The following CNTNAP5 variants were observed in gnomAD, a reference collection of about 807,000 sequenced individuals.
The protein encoded by CNTNAP5 is contactin associated protein family member 5, also known as contactin-associated protein-like 5.
In CNTNAP5, 72 loss-of-function variants were observed where a neutral mutation model predicts 150.2. That is an observed-to-expected ratio of 0.48 (90% CI 0.40 to 0.58). CNTNAP5 has a LOEUF of 0.58. Ranked by LOEUF, CNTNAP5 falls within the 20% of genes least tolerant of loss-of-function variation. The pLI, the probability that CNTNAP5 is intolerant of heterozygous loss-of-function variation, is 0.00. For synonymous variants in CNTNAP5, 672 were observed against 619.8 expected, an observed-to-expected ratio of 1.08 and a Z score of -1.25; for missense variants, 1,636 against 1,626.2, an observed-to-expected ratio of 1.01 and a Z score of -0.10.
chr2:124,463,447 C>T (rs980731246), intron 6 of CNTNAP5, among the ~76,000 whole-genome samples: 11 of 152,100 alleles, frequency 7.2e-5, no homozygotes, highest in Non-Finnish European at 1.5e-5. Context: ...TGAATATACC[C>T]CGTTGCAAAA....
At chr2:124,169,427 G>A (rs1413106338) in intron 1 of CNTNAP5, among the ~76,000 whole-genome samples, 10 of 152,100 alleles carry the variant, frequency 6.6e-5, no homozygotes, top group Non-Finnish European at 5.9e-5. Flanking sequence ...AAGGAAAAAC[G>A]GTTCCTTCTG....
chr2:124,140,457 GCCT>G (rs1684092671), intron 1 of CNTNAP5, among the ~76,000 whole-genome samples: 1 of 105,518 alleles, frequency 9.5e-6, no homozygotes, highest in Admixed American at 1.1e-4. Context: ...CGGGCAGACT[GCCT>G]CCTCAAGTGG....
At chr2:124,465,268 A>G (rs1264144294) in intron 6 of CNTNAP5, among the ~76,000 whole-genome samples, 1 of 152,186 alleles carries the variant, frequency 6.6e-6, no homozygotes, top group Non-Finnish European at 1.5e-5. Context: ...ACCTGTGACA[A>G]CAGTAAATCC....
chr2:124,414,778 G>C (rs1691874797), intron 3 of CNTNAP5, among the ~76,000 whole-genome samples: 1 of 151,970 alleles, frequency 6.6e-6, no homozygotes. Flanking sequence ...CTCAGAAGGG[G>C]CAGCCAGTCA....
chr2:124,168,026 TA>T, intron 1 of CNTNAP5, among the ~76,000 whole-genome samples: 1 of 152,152 alleles, frequency 6.6e-6, no homozygotes, highest in Non-Finnish European at 1.5e-5. Context: ...GTCAGTTCCT[TA>T]CTATAAAAGA....
chr2:124,448,081 A>T (rs2104807615), intron 6 of CNTNAP5, among the ~76,000 whole-genome samples: 1 of 152,088 alleles, frequency 6.6e-6, no homozygotes. Flanking sequence ...ATCCTGGCTA[A>T]CATGGTGAAA....
chr2:124,830,396 G>A (rs1682688417), intron 19 of CNTNAP5, among the ~76,000 whole-genome samples: 1 of 151,986 alleles, frequency 6.6e-6, no homozygotes, highest in Admixed American at 6.6e-5. Context: ...AATCTTTATT[G>A]TGTAGGCCAG....
chr2:124,886,705 A>G (rs1489702020), intron 21 of CNTNAP5, among the ~76,000 whole-genome samples: 1 of 152,062 alleles, frequency 6.6e-6, no homozygotes, highest in Non-Finnish European at 1.5e-5. Flanking sequence ...ACATGCATTT[A>G]ATAATCACAT....
intron 1 of CNTNAP5, among the ~76,000 whole-genome samples, chr2:124,169,180 TG>T (rs1302663007): frequency 6.6e-6 from 1 of 152,078 alleles, no homozygotes; most frequent in Non-Finnish European, 1.5e-5. Context: ...GAGAATAGCA[TG>T]GGGCAAAACT....
intron 1 of CNTNAP5, among the ~76,000 whole-genome samples, chr2:124,085,080 C>A (rs1215151361): frequency 6.6e-6 from 1 of 151,854 alleles, no homozygotes; most frequent in Admixed American, 6.6e-5. Context: ...CACCACCACG[C>A]CCAGCTAATT....
At chr2:124,266,220 A>T (rs962268447) in intron 3 of CNTNAP5, among the ~76,000 whole-genome samples, 2 of 152,138 alleles carry the variant, frequency 1.3e-5, no homozygotes, top group Non-Finnish European at 2.9e-5. Context: ...ACTTGGATCT[A>T]AGTTTGAGGC....
At chr2:124,392,951 G>C (rs1405573157) in intron 3 of CNTNAP5, among the ~76,000 whole-genome samples, 1 of 152,068 alleles carries the variant, frequency 6.6e-6, no homozygotes, top group Non-Finnish European at 1.5e-5. Context: ...ACCAATCCCA[G>C]GACAATTCTC....
chr2:124,288,910 T>C (rs563145264), intron 3 of CNTNAP5, among the ~76,000 whole-genome samples: 1 of 152,200 alleles, frequency 6.6e-6, no homozygotes, highest in Non-Finnish European at 1.5e-5. Flanking sequence ...TAAATGAAAA[T>C]TGGCTATGAA....
intron 7 of CNTNAP5, among the ~76,000 whole-genome samples, chr2:124,488,701 A>T (rs1468561251): frequency 6.6e-6 from 1 of 152,236 alleles, no homozygotes; most frequent in Non-Finnish European, 1.5e-5. Flanking sequence ...GGAGGTGCAT[A>T]GTAAATATTC....
intron 20 of CNTNAP5, among the ~76,000 whole-genome samples, chr2:124,866,959 G>A (rs189968386): frequency 9.9e-5 from 15 of 152,118 alleles, no homozygotes; most frequent in African/African-American, 2.9e-4. Context: ...GAGAATATCC[G>A]CACATTCTCA....
intron 18 of CNTNAP5, among the ~76,000 whole-genome samples, chr2:124,793,075 G>A (rs568343420): frequency 2.0e-5 from 3 of 152,196 alleles, no homozygotes; most frequent in South Asian, 2.1e-4. Flanking sequence ...TGTGTCAAAC[G>A]GTAACTATAG....
At chr2:124,695,030 G>A (rs1179754073) in intron 13 of CNTNAP5, among the ~76,000 whole-genome samples, 4 of 151,276 alleles carry the variant, frequency 2.6e-5, no homozygotes, top group Non-Finnish European at 5.9e-5. Flanking sequence ...GTGTTACAAT[G>A]TAATGGAAGC....
At chr2:124,582,869 T>G (rs896261803) in intron 11 of CNTNAP5, among the ~76,000 whole-genome samples, 2 of 152,212 alleles carry the variant, frequency 1.3e-5, no homozygotes, top group African/African-American at 4.8e-5. Flanking sequence ...GCCTAGTGTT[T>G]GATTGCTTCC....
intron 1 of CNTNAP5, among the ~76,000 whole-genome samples, chr2:124,219,941 G>T (rs1686261472): frequency 6.6e-6 from 1 of 151,842 alleles, no homozygotes; most frequent in African/African-American, 2.4e-5. Context: ...ATCTGGCTCG[G>T]TTTTGTATTT....
Sources: gnomAD v4.1 joint callset for allele counts (sites outside exome capture counted in the v4.1 genomes callset) on GRCh38, gnomAD v4.1.1 for gene constraint, MANE v1.5 for transcripts, NCBI Gene and HGNC (gene_info 2026-07-23, HGNC 2026-07-21) for gene names.